The following IL1RAPL2 variants were observed in gnomAD, a reference collection of about 807,000 sequenced individuals.
IL1RAPL2 encodes the protein interleukin 1 receptor accessory protein like 2, also known as X-linked interleukin-1 receptor accessory protein-like 2.
A neutral mutation model predicts 44.1 loss-of-function variants in IL1RAPL2; 3 were observed. The ratio of observed to expected loss-of-function variants is 0.07; its 90% CI spans 0.03 to 0.18. The LOEUF (loss-of-function observed/expected upper bound fraction) is 0.18. Ranked by LOEUF, IL1RAPL2 falls within the 10% of genes least tolerant of loss-of-function variation. The pLI is 1.00. For synonymous variants in IL1RAPL2, 181 were observed against 178.8 expected (o/e 1.01, Z -0.10); for missense variants, 391 against 496.4 (o/e 0.79, Z 2.02).
At chrX:105,431,948 A>C (rs768696997) in intron 5 of IL1RAPL2, among the ~76,000 whole-genome samples, 25 of 109,906 alleles carry the variant, frequency 2.3e-4, no homozygotes, top group African/African-American at 6.9e-4. Context: ...GACGCTTTGA[A>C]TACTGCAGGA....
intron 6 of IL1RAPL2, among the ~76,000 whole-genome samples, chrX:105,546,096 C>G (rs1354311220): frequency 1.8e-5 from 2 of 111,319 alleles, no homozygotes; most frequent in Admixed American, 9.6e-5. Flanking sequence ...AGTGGCAGAA[C>G]AGCTTCCAGT....
chrX:104,899,633 A>G (rs1923754318), intron 2 of IL1RAPL2, among the ~76,000 whole-genome samples: 3 of 110,949 alleles, frequency 2.7e-5, no homozygotes, highest in Admixed American at 9.6e-5. Flanking sequence ...TCTTCCCCTT[A>G]ACAATCTTTC....
intron 2 of IL1RAPL2, among the ~76,000 whole-genome samples, chrX:104,865,067 C>T (rs1365217704): frequency 2.7e-5 from 3 of 110,727 alleles, no homozygotes; most frequent in Non-Finnish European, 5.7e-5. Context: ...ACATACTTAC[C>T]CCCACATTGG....
At chrX:105,633,373 C>A (rs1350329024) in intron 6 of IL1RAPL2, among the ~76,000 whole-genome samples, 1 of 111,539 alleles carries the variant, frequency 9.0e-6, no homozygotes, top group Non-Finnish European at 1.9e-5. Context: ...ACAATAAACC[C>A]AAAGTGATAA....
chrX:105,220,227 G>T (rs782590107), intron 3 of IL1RAPL2: 5 of 1,211,517 alleles, frequency 4.1e-6, no homozygotes, highest in Middle Eastern at 2.3e-4. Context: ...TGGGCACCTC[G>T]CTGTCCTCCA....
chrX:105,555,125 G>A (rs1253936253), intron 6 of IL1RAPL2, among the ~76,000 whole-genome samples: 2 of 103,619 alleles, frequency 1.9e-5, no homozygotes, highest in Non-Finnish European at 3.9e-5. Context: ...CTATGCAAGT[G>A]CAGTTTAATA....
chrX:105,227,005 T>C (rs373864617), intron 3 of IL1RAPL2, among the ~76,000 whole-genome samples: 2 of 97,483 alleles, frequency 2.1e-5, no homozygotes, highest in African/African-American at 7.7e-5. Context: ...TGAATGTTCA[T>C]GTCAGCAGGA....
At chrX:104,982,216 C>T (rs886538555) in intron 2 of IL1RAPL2, among the ~76,000 whole-genome samples, 5 of 110,560 alleles carry the variant, frequency 4.5e-5, no homozygotes, top group Non-Finnish European at 7.6e-5. Context: ...TTTTCTTTGG[C>T]ATATGTGATC....
chrX:104,589,295 G>A (rs1180738762), intron 1 of IL1RAPL2, among the ~76,000 whole-genome samples: 1 of 112,390 alleles, frequency 8.9e-6, no homozygotes, highest in Non-Finnish European at 1.9e-5. Flanking sequence ...CAAAGCTGAA[G>A]AATGTGGAGT....
intron 2 of IL1RAPL2, among the ~76,000 whole-genome samples, chrX:105,159,041 T>C (rs898126312): frequency 8.9e-6 from 1 of 112,266 alleles, no homozygotes; most frequent in Non-Finnish European, 1.9e-5. Flanking sequence ...GTGCTCACTG[T>C]GTACCAGGCA....
At chrX:105,651,715 C>T (rs2037643282) in intron 6 of IL1RAPL2, among the ~76,000 whole-genome samples, 1 of 111,520 alleles carries the variant, frequency 9.0e-6, no homozygotes, top group Admixed American at 9.5e-5. Context: ...AAAACTGCAA[C>T]TCTGCCTCAC....
At chrX:105,219,884 G>T in intron 3 of IL1RAPL2, 1 of 1,083,142 alleles carries the variant, frequency 9.2e-7, no homozygotes, top group Non-Finnish European at 1.2e-6. Flanking sequence ...GGTGGAGAGG[G>T]GTGGGAATGG....
At chrX:105,390,438 G>T (rs953424010) in intron 5 of IL1RAPL2, among the ~76,000 whole-genome samples, 1 of 111,734 alleles carries the variant, frequency 8.9e-6, no homozygotes, top group African/African-American at 3.3e-5. Context: ...CGTATAATTG[G>T]CATTTAATAA....
chrX:105,476,952 T>G (rs1235490642), intron 5 of IL1RAPL2, among the ~76,000 whole-genome samples: 1 of 112,126 alleles, frequency 8.9e-6, no homozygotes, highest in Non-Finnish European at 1.9e-5. Flanking sequence ...GCCCAATGTG[T>G]GCCTACAATG....
chrX:105,493,751 C>T (rs1217231522), intron 6 of IL1RAPL2, among the ~76,000 whole-genome samples: 1 of 111,459 alleles, frequency 9.0e-6, no homozygotes, highest in Non-Finnish European at 1.9e-5. Context: ...TCTGCTCTTT[C>T]CTAAAATAGA....
chrX:105,458,694 A>G (rs904283461), intron 5 of IL1RAPL2, among the ~76,000 whole-genome samples: 3 of 111,577 alleles, frequency 2.7e-5, no homozygotes, highest in Non-Finnish European at 3.8e-5. Flanking sequence ...CCTCTTATCA[A>G]TTCCCATTGA....
At chrX:105,460,179 G>A (rs191863348) in intron 5 of IL1RAPL2, among the ~76,000 whole-genome samples, 19 of 110,936 alleles carry the variant, frequency 1.7e-4, no homozygotes, top group Admixed American at 1.6e-3. Flanking sequence ...ACAAGCAGGC[G>A]ACTCACCTCT....
intron 2 of IL1RAPL2, among the ~76,000 whole-genome samples, chrX:104,913,297 C>T (rs1408553625): frequency 9.2e-6 from 1 of 108,593 alleles, no homozygotes; most frequent in East Asian, 2.8e-4. Context: ...ATTTTCTAAG[C>T]AGAAACACAG....
At chrX:105,176,965 C>A (rs1442061008) in intron 2 of IL1RAPL2, among the ~76,000 whole-genome samples, 1 of 111,299 alleles carries the variant, frequency 9.0e-6, no homozygotes, top group Non-Finnish European at 1.9e-5. Flanking sequence ...TGAACAGATA[C>A]ATGAAGAACA....
Sources: gnomAD v4.1 joint callset for allele counts (sites outside exome capture counted in the v4.1 genomes callset) on GRCh38, gnomAD v4.1.1 for gene constraint, MANE v1.5 for transcripts, NCBI Gene and HGNC (gene_info 2026-07-23, HGNC 2026-07-21) for gene names.